The following ZNF611 variants were observed in gnomAD, a reference collection of about 807,000 sequenced individuals.
ZNF611 encodes the protein zinc finger protein 611.
ZNF611 carries 6 observed loss-of-function variants against 8.9 expected under a neutral mutation model. The observed-to-expected ratio is 0.68, with a 90% confidence interval of 0.37 to 1.34. The LOEUF (loss-of-function observed/expected upper bound fraction) is 1.34. Among genes scored for constraint, ZNF611 ranks in the 40% most tolerant of loss-of-function variants. The probability of loss-of-function intolerance (pLI) is 0.02; values close to 1 mark genes in which losing one functional copy is unlikely to be tolerated. For missense variants in ZNF611, 874 were observed against 841.3 expected (o/e 1.04, Z -0.48); for synonymous variants, 262 against 279.7 (o/e 0.94, Z 0.63).
chr19:52,710,657 G>A (rs1390415344), intron 5 of ZNF611, among the ~76,000 whole-genome samples: 1 of 152,124 alleles, frequency 6.6e-6, no homozygotes, highest in Non-Finnish European at 1.5e-5. Flanking sequence ...AAGCCACTGC[G>A]GCTGGCCAGT....
intron 1 of ZNF611, among the ~76,000 whole-genome samples, chr19:52,731,181 C>G (rs1201699378): frequency 6.6e-6 from 1 of 152,112 alleles, no homozygotes; most frequent in Non-Finnish European, 1.5e-5. Flanking sequence ...ATTCTCCTGC[C>G]TCAGCCTCCA....
At chr19:52,719,085 C>T (rs1327744366) in intron 3 of ZNF611, among the ~76,000 whole-genome samples, 1 of 152,006 alleles carries the variant, frequency 6.6e-6, no homozygotes, top group East Asian at 1.9e-4. Context: ...CAGAGCATTG[C>T]TTGAACCCGG....
intron 1 of ZNF611, among the ~76,000 whole-genome samples, chr19:52,733,690 CTT>C (rs1822766496): frequency 6.6e-6 from 1 of 151,952 alleles, no homozygotes; most frequent in Non-Finnish European, 1.5e-5. Flanking sequence ...CTCTTGTTTT[CTT>C]TTCTTTTTCC....
rs563590628 is a variant in ZNF611 at position 52,703,575 on chromosome 19, G to C, written c.*1362C>G. The C allele has an allele frequency of 1.3e-5, 2 of 149,600 alleles. No individual in the cohort carries two copies. The highest frequency in any genetic ancestry group is 3.9e-4 in the East Asian group (2 of 5,108). 9.3% of individuals were successfully genotyped at this position (149,600 alleles called of 1,614,324 possible). ...TTGCAGGGATGAGCCACCACGTACCGAGGCTTTGATATCCTTTTTTTTTTT... is the reference window on the plus strand; with the variant it reads ...TTGCAGGGATGAGCCACCACGTACCCAGGCTTTGATATCCTTTTTTTTTTT... On this transcript the variant is annotated 3_prime_UTR_variant, in exon 6 of 6. Transcript: ENST00000652185.
intron 3 of ZNF611, among the ~76,000 whole-genome samples, chr19:52,725,482 A>G (rs1235625894): frequency 1.3e-5 from 2 of 152,164 alleles, no homozygotes; most frequent in Non-Finnish European, 2.9e-5. Flanking sequence ...GAGCAGGAAA[A>G]CTATGCGATA....
At chr19:52,728,076 T>G (rs2062403596) in intron 3 of ZNF611, among the ~76,000 whole-genome samples, 1 of 152,028 alleles carries the variant, frequency 6.6e-6, no homozygotes, top group Admixed American at 6.6e-5. Flanking sequence ...CCGGCTAATT[T>G]TTTTGAATTT....
chr19:52,722,200 AAAAAT>A (rs2062364390), intron 3 of ZNF611, among the ~76,000 whole-genome samples: 2 of 152,142 alleles, frequency 1.3e-5, no homozygotes, highest in Middle Eastern at 3.4e-3. Flanking sequence ...TTTCTACAAA[AAAAAT>A]AAAATAAAAT....
chr19:52,714,678 A>C (rs1377366614), intron 4 of ZNF611, among the ~76,000 whole-genome samples: 5 of 91,178 alleles, frequency 5.5e-5, no homozygotes, highest in African/African-American at 1.2e-4. Flanking sequence ...ACAGACTGAC[A>C]CTCCATCTCA....
Position 52,702,944 on chromosome 19 carries a change from T to C in ZNF611, c.*1993A>G, listed in dbSNP as rs1173520626. On this transcript the variant is annotated 3_prime_UTR_variant, in exon 6 of 6. Transcript: ENST00000652185. ...CAAAGACTAGAAAGCATGCAGACAT[T>C]GATATGAACTGGATGCAACTAATTT... The C allele has an allele frequency of 1.3e-5, 2 of 152,148 alleles. No individual in the cohort carries two copies. The highest frequency in any genetic ancestry group is 6.6e-5 in the Admixed American group (1 of 15,262). 9.4% of individuals were successfully genotyped at this position (152,148 alleles called of 1,614,324 possible). A position where few individuals can be genotyped will look rare whatever the true frequency, so the allele number is the denominator to read the frequency against.
intron 3 of ZNF611, among the ~76,000 whole-genome samples, chr19:52,727,284 T>C (rs1020966041): frequency 6.6e-6 from 1 of 152,208 alleles, no homozygotes; most frequent in Non-Finnish European, 1.5e-5. Flanking sequence ...AGAATAACTA[T>C]TTTATTAATA....
At chr19:52,729,071 CAT>C (rs1281977537) in intron 2 of ZNF611, 3 of 152,204 alleles carry the variant, frequency 2.0e-5, no homozygotes, top group South Asian at 4.1e-4. Context: ...AGGGCACCAA[CAT>C]GTGTAAGCCT....
chr19:52,733,149 T>C (rs2062436066), intron 1 of ZNF611, among the ~76,000 whole-genome samples: 1 of 152,150 alleles, frequency 6.6e-6, no homozygotes, highest in East Asian at 1.9e-4. Context: ...TTATAGAATG[T>C]ACATGTCTTA....
At chr19:52,714,488 G>A (rs2062301664) in intron 4 of ZNF611, among the ~76,000 whole-genome samples, 1 of 151,634 alleles carries the variant, frequency 6.6e-6, no homozygotes, top group African/African-American at 2.4e-5. Context: ...AAGAGTTCGA[G>A]ACCAGCCTGG....
chr19:52,704,672 G>A lies in ZNF611; in HGVS notation c.*265C>T. On this transcript the variant is annotated 3_prime_UTR_variant, in exon 6 of 6. Transcript: ENST00000652185. ...GTTGTAGCATTACTGAAGACTTTGT[G>A]ACAATCATTACATTAGTCAAGTTTC... 1 of 1,594,418 alleles carries A rather than the reference G, an allele frequency of 6.3e-7. No homozygotes were observed. The highest frequency in any genetic ancestry group is 8.6e-7 in the Non-Finnish European group (1 of 1,163,218).
chr19:52,733,365 A>G (rs184897056), intron 1 of ZNF611, among the ~76,000 whole-genome samples: 3 of 152,124 alleles, frequency 2.0e-5, no homozygotes, highest in Non-Finnish European at 4.4e-5. Context: ...TAGTCACATG[A>G]TCTCAGCTCA....
intron 5 of ZNF611, chr19:52,708,462 CACTCT>C (rs1451210633): frequency 6.6e-6 from 1 of 152,256 alleles, no homozygotes; most frequent in Non-Finnish European, 1.5e-5. Context: ...CGCGCCACTG[CACTCT>C]AGCCTGGGTG....
chr19:52,721,921 G>A (rs1184941732), intron 3 of ZNF611, among the ~76,000 whole-genome samples: 1 of 152,126 alleles, frequency 6.6e-6, no homozygotes, highest in Admixed American at 6.5e-5. Context: ...GGTGGCCCAT[G>A]CCTGTAATCC....
chr19:52,730,625 C>G (rs957408649), intron 1 of ZNF611, among the ~76,000 whole-genome samples: 1 of 151,742 alleles, frequency 6.6e-6, no homozygotes, highest in Non-Finnish European at 1.5e-5. Context: ...CCTCTTGTTG[C>G]CCAGGCTGGA....
At position 52,705,308 on chromosome 19, in the gene ZNF611, A is replaced by C. The variant is rs1466454891; in HGVS notation, c.1747T>G (p.Cys583Gly). 1 of 1,613,906 alleles carries C rather than the reference A, an allele frequency of 6.2e-7. No homozygotes were observed. Among genetic ancestry groups the C allele is most frequent in the Non-Finnish European group, 8.5e-7 (1 of 1,179,956 alleles). The change falls in exon 6 of 6, where the codon TGC becomes GGC. Residue 583 changes from cysteine (C) to glycine (G), a missense_variant. Coordinates refer to ENST00000652185, the MANE Select transcript of ZNF611 (RefSeq NM_001161499.2). Reference protein sequence around the residue: ...KTFSHRSYLVCHHRVHSGEKP... With the variant: ...KTFSHRSYLVGHHRVHSGEKP... ...TCACCACTATGAACTCTATGATGGC[A>C]TACAAGGTATGACCTGTGACTGAAG...
Sources: gnomAD v4.1 joint callset for allele counts (sites outside exome capture counted in the v4.1 genomes callset) on GRCh38, gnomAD v4.1.1 for gene constraint, MANE v1.5 for transcripts, NCBI Gene and HGNC (gene_info 2026-07-23, HGNC 2026-07-21) for gene names.